Variants in CNGA3 observed in about 807,000 individuals in gnomAD.
The protein encoded by CNGA3 is cyclic nucleotide-gated channel alpha-3.
A neutral mutation model predicts 46.6 loss-of-function variants in CNGA3; 42 were observed. The ratio of observed to expected loss-of-function variants is 0.90; its 90% CI spans 0.70 to 1.17. The LOEUF is 1.17. Among genes scored for constraint, CNGA3 ranks in the 50% most tolerant of loss-of-function variants. CNGA3 has a pLI of 0.00. For missense variants in CNGA3, 893 were observed against 890.7 expected, an observed-to-expected ratio of 1.00 and a Z score of -0.03; for synonymous variants, 394 against 369.4, an observed-to-expected ratio of 1.07 and a Z score of -0.76.
intron 5 of CNGA3, among the ~76,000 whole-genome samples, chr2:98,384,046 C>T (rs1394983076): frequency 6.6e-6 from 1 of 152,064 alleles, no homozygotes; most frequent in Non-Finnish European, 1.5e-5. Flanking sequence ...GCCACCACAC[C>T]CGGCTAGTTT....
chr2:98,367,170 T>TATTTTCTTTC (rs1285825841), intron 1 of CNGA3, among the ~76,000 whole-genome samples: 1 of 119,132 alleles, frequency 8.4e-6, no homozygotes, highest in Non-Finnish European at 1.8e-5. Context: ...ATCAGCTGTT[T>TATTTTCTTTC]TTTTTCTTTT....
chr2:98,367,167 G>GTTTATTTTCCTTTTT (rs751611132), intron 1 of CNGA3, among the ~76,000 whole-genome samples: 6 of 101,618 alleles, frequency 5.9e-5, no homozygotes, highest in Non-Finnish European at 1.1e-4. Flanking sequence ...GACATCAGCT[G>GTTTATTTTCCTTTTT]TTTTTTTTCT....
At chr2:98,348,621 C>T (rs1193461052) in intron 1 of CNGA3, among the ~76,000 whole-genome samples, 1 of 152,214 alleles carries the variant, frequency 6.6e-6, no homozygotes, top group African/African-American at 2.4e-5. Flanking sequence ...AATCCCCCAC[C>T]AACCACTGTG....
chr2:98,367,167 G>GTTTATTTTCTTTTTTTTTTTTTTT lies in CNGA3; in HGVS notation c.-37-2769_-37-2768insATTTTCTTTTTTTTTTTTTTTTTT, dbSNP rs751611132. Among the ~76,000 whole-genome samples, 29 of 101,616 alleles carry GTTTATTTTCTTTTTTTTTTTTTTT rather than the reference G, an allele frequency of 2.9e-4. 3 individuals are homozygous for GTTTATTTTCTTTTTTTTTTTTTTT. Among genetic ancestry groups the GTTTATTTTCTTTTTTTTTTTTTTT allele is most frequent in the African/African-American group, 8.7e-4 (26 of 29,934 alleles). 66.7% of individuals were successfully genotyped at this position (101,616 alleles called of 152,430 possible). A position where few individuals can be genotyped will look rare whatever the true frequency, so the allele number is the denominator to read the frequency against. On this transcript the variant is annotated intron_variant, in intron 1 of 7. Coordinates refer to ENST00000272602, the MANE Select transcript of CNGA3 (RefSeq NM_001298.3). Reference sequence around the variant, plus strand: ...TTGGTGAGAACCTCTGACATCAGCTGTTTTTTTTCTTTTTTTTCTTTTTTT... The same window carrying GTTTATTTTCTTTTTTTTTTTTTTT: ...TTGGTGAGAACCTCTGACATCAGCTGTTTATTTTCTTTTTTTTTTTTTTTTTTTTTTTCTTTTTTTTCTTTTTTT...
At chr2:98,359,006 A>C (rs55851325) in intron 1 of CNGA3, among the ~76,000 whole-genome samples, 19,713 of 152,238 alleles carry the variant, frequency 0.13, 1,582 homozygotes, top group Admixed American at 0.28. Flanking sequence ...TTGAACAGGG[A>C]ATGCAGGCAG....
At chr2:98,361,454 A>G (rs545231798) in intron 1 of CNGA3, among the ~76,000 whole-genome samples, 9 of 152,088 alleles carry the variant, frequency 5.9e-5, no homozygotes, top group Non-Finnish European at 1.2e-4. Context: ...GGTTGATTCC[A>G]TGTCTTTGCT....
At chr2:98,368,179 C>T (rs1169965204) in intron 1 of CNGA3, among the ~76,000 whole-genome samples, 1 of 152,198 alleles carries the variant, frequency 6.6e-6, no homozygotes, top group Non-Finnish European at 1.5e-5. Context: ...CAAGTCAGGA[C>T]CCTGCTGAGC....
At chr2:98,378,402 G>C (rs1325418114) in intron 3 of CNGA3, among the ~76,000 whole-genome samples, 2 of 152,194 alleles carry the variant, frequency 1.3e-5, no homozygotes, top group African/African-American at 4.8e-5. Context: ...TGGCTTGAAA[G>C]CTGCTTCAGA....
chr2:98,366,576 C>G (rs1202364382), intron 1 of CNGA3, among the ~76,000 whole-genome samples: 2 of 152,244 alleles, frequency 1.3e-5, no homozygotes, highest in African/African-American at 4.8e-5. Flanking sequence ...CATCCAGCCC[C>G]TGGCTGGGGT....
intron 2 of CNGA3, among the ~76,000 whole-genome samples, chr2:98,376,764 A>C (rs983768109): frequency 6.6e-6 from 1 of 152,148 alleles, no homozygotes; most frequent in Admixed American, 6.5e-5. Context: ...GCTCCTCAAG[A>C]CTCATAGACT....
chr2:98,355,600 G>C lies in CNGA3; in HGVS notation c.-38+9066G>C, dbSNP rs199897655. On this transcript the variant is annotated intron_variant, in intron 1 of 7. Coordinates refer to ENST00000272602, the MANE Select transcript of CNGA3 (RefSeq NM_001298.3). ...TTTTTAAAACTCTTATATAAAGATA[G>C]CACTGACATGTCTTCTGTACCAAAC... Among the ~76,000 whole-genome samples, 18 of 152,230 alleles carry C rather than the reference G, an allele frequency of 1.2e-4. No individual in the cohort carries two copies. In the East Asian group the frequency reaches 2.7e-3, roughly 23 times the overall value.
rs2104245397 is a variant in CNGA3 at position 98,395,912 on chromosome 2, C to T, written c.742C>T (p.Gln248Ter). The change falls in exon 8 of 8, where the codon CAG becomes TAG. Residue 248 changes from glutamine (Q) to a stop codon, truncating the protein, a stop_gained. Coordinates refer to ENST00000272602, the MANE Select transcript of CNGA3 (RefSeq NM_001298.3). LOFTEE classifies it low-confidence loss of function (END_TRUNC). ...GTGGCAGCATTACAAGACGACCACG[C>T]AGTTCAAGCTGGATGTGTTGTCCCT... The part of the protein sequence containing the change: ...RLWQHYKTTT[Q>*]FKLDVLSLVP... 6.2e-7 allele frequency: 1 copy of T among 1,614,192 alleles called. No homozygotes were observed. Among genetic ancestry groups the T allele is most frequent in the Non-Finnish European group, 8.5e-7 (1 of 1,180,038 alleles).
chr2:98,389,722 C>T lies in CNGA3; in HGVS notation c.514C>T (p.Leu172=). 6.2e-7 allele frequency: 1 copy of T among 1,613,740 alleles called. No individual in the cohort carries two copies. Among genetic ancestry groups the T allele is most frequent in the Non-Finnish European group, 8.5e-7 (1 of 1,180,034 alleles). The stretch of plus-strand genomic sequence containing the variant: ...GTCCAGCAACCTGTACTACCGCTGG[C>T]TGACCGCCATCGCCCTGCCTGTCTT... ...DPSSNLYYRW[L]TAIALPVFYN... is the part of the protein sequence containing the mutation. The change falls in exon 6 of 8, where the codon CTG becomes TTG. Residue 172 remains leucine, a synonymous_variant. Coordinates refer to ENST00000272602, the MANE Select transcript of CNGA3 (RefSeq NM_001298.3).
rs751611132 is a variant in CNGA3, at chr2:98,367,167, G to GTTTATTTTCCTT, written c.-37-2769_-37-2768insATTTTCCTTTTT. On this transcript the variant is annotated intron_variant, in intron 1 of 7. Coordinates refer to ENST00000272602, the MANE Select transcript of CNGA3 (RefSeq NM_001298.3). ...TTGGTGAGAACCTCTGACATCAGCT[G>GTTTATTTTCCTT]TTTTTTTTCTTTTTTTTCTTTTTTT... Among the ~76,000 whole-genome samples the GTTTATTTTCCTT allele has an allele frequency of 4.5e-4, 46 of 101,610 alleles. 4 individuals carry two copies. The highest frequency in any genetic ancestry group is 6.4e-4 in the Non-Finnish European group (29 of 45,334). 66.7% of individuals were successfully genotyped at this position (101,610 alleles called of 152,430 possible).
In CNGA3 at chr2:98,397,525, A is replaced by G. The variant is rs1393707556; in HGVS notation, c.*270A>G. 3 of 524,344 alleles carry G rather than the reference A, an allele frequency of 5.7e-6. No homozygotes were observed. The highest frequency in any genetic ancestry group is 2.2e-5 in the South Asian group (1 of 45,936). 32.5% of individuals were successfully genotyped at this position (524,344 alleles called of 1,614,324 possible). ...CAAAGTGCAAGGTATCCCCAGTCCA[A>G]GTATATGAAAACGTGCACACAGGAC... On this transcript the variant is annotated 3_prime_UTR_variant, in exon 8 of 8. Transcript: ENST00000272602.
At chr2:98,367,208 A>C (rs1157655605) in intron 1 of CNGA3, among the ~76,000 whole-genome samples, 2 of 74,420 alleles carry the variant, frequency 2.7e-5, no homozygotes, top group Non-Finnish European at 5.9e-5. Context: ...TTTTATTGAG[A>C]CAGAGTCTCA....
chr2:98,392,101 G>A, intron 7 of CNGA3, 131 bp downstream of exon 7: 1 of 771,478 alleles, frequency 1.3e-6, no homozygotes, highest in Non-Finnish European at 2.2e-6. Flanking sequence ...ACCTCCGACA[G>A]TGAGGGTAGG....
intron 2 of CNGA3, among the ~76,000 whole-genome samples, chr2:98,373,140 G>A (rs565250175): frequency 5.9e-5 from 9 of 152,250 alleles, no homozygotes; most frequent in African/African-American, 1.9e-4. Context: ...CAGGGATGGA[G>A]GCTGGGCCCA....
In CNGA3 at chr2:98,397,001, C is replaced by T. The variant is rs747855074; in HGVS notation, c.1831C>T (p.Leu611=). Residue 611 remains leucine, a synonymous_variant, in exon 8 of 8, where the codon CTG becomes TTG. Coordinates refer to ENST00000272602, the MANE Select transcript of CNGA3 (RefSeq NM_001298.3). ...KGRQILMKDN[L]IDEELARAGA... ...ACGGCAGATCCTGATGAAAGACAACCTGATCGATGAGGAGCTGGCCAGGGC... is the reference window on the plus strand; with the variant it reads ...ACGGCAGATCCTGATGAAAGACAACTTGATCGATGAGGAGCTGGCCAGGGC... The T allele has an allele frequency of 2.9e-5, 46 of 1,613,930 alleles. No homozygotes were observed. The highest frequency in any genetic ancestry group is 3.5e-5 in the Non-Finnish European group (41 of 1,179,978).
Sources: gnomAD v4.1 joint callset for allele counts (sites outside exome capture counted in the v4.1 genomes callset) on GRCh38, gnomAD v4.1.1 for gene constraint, MANE v1.5 for transcripts, NCBI Gene and HGNC (gene_info 2026-07-23, HGNC 2026-07-21) for gene names.